Variants in BMPR1A observed in about 807,000 individuals in gnomAD.
BMPR1A encodes the protein bone morphogenetic protein receptor type 1A, also known as bone morphogenetic protein receptor type-1A.
BMPR1A carries 7 observed loss-of-function variants against 66.0 expected under a neutral mutation model. The observed-to-expected ratio is 0.11, with a 90% CI of 0.06 to 0.20. The LOEUF (loss-of-function observed/expected upper bound fraction) is 0.20. Among genes scored for constraint, BMPR1A ranks in the 10% least tolerant of loss-of-function variants. The pLI, the probability that BMPR1A is intolerant of heterozygous loss-of-function variation, is 1.00. For synonymous variants in BMPR1A, 200 were observed against 229.7 expected (o/e 0.87, Z 1.17); for missense variants, 408 against 669.1 (o/e 0.61, Z 4.31).
chr10:86,886,154 G>A (rs1433851425), intron 3 of BMPR1A, among the ~76,000 whole-genome samples: 4 of 152,162 alleles, frequency 2.6e-5, no homozygotes, highest in East Asian at 1.9e-4. Context: ...TGTGGGTGGC[G>A]AGAGATTGAC....
At chr10:86,889,836 T>C (rs892670744) in intron 3 of BMPR1A, 50 of 538,800 alleles carry the variant, frequency 9.3e-5, no homozygotes, top group African/African-American at 8.9e-4. Context: ...AGTGCAAAAA[T>C]TGTGATATAG....
At chr10:86,871,136 C>CT (rs1437477160) in intron 2 of BMPR1A, among the ~76,000 whole-genome samples, 1 of 152,182 alleles carries the variant, frequency 6.6e-6, no homozygotes, top group Admixed American at 6.5e-5. Context: ...CTTTGCCTGA[C>CT]TGACTCTATT....
At chr10:86,884,394 ATTTTTTTTTTTTTTTTT>A (rs759424209) in intron 3 of BMPR1A, among the ~76,000 whole-genome samples, 54 of 49,346 alleles carry the variant, frequency 1.1e-3, no homozygotes, top group South Asian at 7.7e-3. Flanking sequence ...CAAACACATG[ATTTTTTTTTTTTTTTTT>A]TTTTTTTTTT....
At chr10:86,807,296 T>G (rs1374382605) in intron 1 of BMPR1A, among the ~76,000 whole-genome samples, 1 of 152,238 alleles carries the variant, frequency 6.6e-6, no homozygotes, top group Non-Finnish European at 1.5e-5. Context: ...TTCATTCTAA[T>G]TTCATTTCCA....
intron 1 of BMPR1A, among the ~76,000 whole-genome samples, chr10:86,809,295 C>G (rs1322518046): frequency 1.4e-5 from 2 of 145,818 alleles, no homozygotes; most frequent in African/African-American, 5.0e-5. Flanking sequence ...AGGCCCCCCT[C>G]CCTTTTTTTT....
intron 1 of BMPR1A, among the ~76,000 whole-genome samples, chr10:86,800,789 G>C (rs1841801583): frequency 6.6e-6 from 1 of 152,184 alleles, no homozygotes; most frequent in Non-Finnish European, 1.5e-5. Flanking sequence ...CTGTTTCTTA[G>C]GAGTTAAGAC....
intron 2 of BMPR1A, among the ~76,000 whole-genome samples, chr10:86,844,660 T>G (rs1403508105): frequency 6.6e-6 from 1 of 152,274 alleles, no homozygotes; most frequent in African/African-American, 2.4e-5. Context: ...AATCACTAAT[T>G]GTTTTATAAT....
Position 86,900,060 on chromosome 10 carries a change from T to A in BMPR1A, c.464T>A (p.Val155Asp). 1.9e-6 allele frequency: 3 copies of A among 1,614,168 alleles called. No homozygotes were observed. The highest frequency in any genetic ancestry group is 1.7e-6 in the Non-Finnish European group (2 of 1,180,038). The part of the protein sequence containing the change: ...PFFDGSIRWL[V>D]LLISMAVCII... ...TTTGATGGCAGCATTCGATGGCTGGTTTTGCTCATTTCTATGGCTGTCTGC... is the reference window on the plus strand; with the variant it reads ...TTTGATGGCAGCATTCGATGGCTGGATTTGCTCATTTCTATGGCTGTCTGC... The change falls in exon 7 of 13, where the codon GTT becomes GAT. Residue 155 changes from valine to aspartate, a missense_variant. Physicochemically the swap from Val to Asp is radical, Grantham distance 152. This residue lies in a region of BMPR1A where 174 missense variants were observed against 265.1 expected (regional missense o/e 0.66). Coordinates refer to ENST00000372037, the MANE Select transcript of BMPR1A (RefSeq NM_004329.3).
chr10:86,786,030 G>A (rs1841509836), intron 1 of BMPR1A, among the ~76,000 whole-genome samples: 1 of 152,028 alleles, frequency 6.6e-6, no homozygotes, highest in African/African-American at 2.4e-5. Flanking sequence ...TTTTCATTTT[G>A]TTGAGAAAAC....
chr10:86,797,741 T>C (rs1841744107), intron 1 of BMPR1A, among the ~76,000 whole-genome samples: 1 of 152,092 alleles, frequency 6.6e-6, no homozygotes, highest in African/African-American at 2.4e-5. Flanking sequence ...TGTACTTCTG[T>C]GTGTTCAAAT....
intron 1 of BMPR1A, among the ~76,000 whole-genome samples, chr10:86,766,840 T>G (rs1159652209): frequency 6.7e-6 from 1 of 150,288 alleles, no homozygotes; most frequent in Non-Finnish European, 1.5e-5. Context: ...TTTTTTTTTT[T>G]TGGAGACCGA....
intron 1 of BMPR1A, among the ~76,000 whole-genome samples, chr10:86,813,296 A>C (rs1195642785): frequency 1.3e-5 from 2 of 152,078 alleles, no homozygotes; most frequent in African/African-American, 4.8e-5. Flanking sequence ...TTATAAAATG[A>C]GACTTTCCGG....
intron 1 of BMPR1A, among the ~76,000 whole-genome samples, chr10:86,830,746 C>G (rs962370020): frequency 3.3e-5 from 5 of 152,036 alleles, no homozygotes; most frequent in African/African-American, 1.2e-4. Context: ...ATATTGTTAG[C>G]AAATATATTT....
Position 86,806,145 on chromosome 10 carries a change from C to A in BMPR1A, c.-267-32720C>A, listed in dbSNP as rs541535500. On this transcript the variant is annotated intron_variant, in intron 1 of 12. Coordinates refer to ENST00000372037, the MANE Select transcript of BMPR1A (RefSeq NM_004329.3). ...AGGTGATGCATCTCTGGCCAGAAGT[C>A]TACATAAATGACGACGTGTCCTTCT... Among the ~76,000 whole-genome samples, 8 of 152,238 alleles carry A rather than the reference C, an allele frequency of 5.3e-5. No homozygotes were observed. In the South Asian group the frequency reaches 1.7e-3, roughly 32 times the overall value.
chr10:86,762,742 CAAAAAGGA>C (rs1468980680), intron 1 of BMPR1A, among the ~76,000 whole-genome samples: 10 of 151,996 alleles, frequency 6.6e-5, no homozygotes, highest in Non-Finnish European at 1.3e-4. Context: ...TTAAGATCTA[CAAAAAGGA>C]AGTCCAGGGA....
intron 1 of BMPR1A, among the ~76,000 whole-genome samples, chr10:86,811,089 A>G (rs115313131): frequency 0.074 from 11,288 of 152,226 alleles, 471 homozygotes; most frequent in Middle Eastern, 0.12. Flanking sequence ...CCCTGGCTGG[A>G]GTGCCGTAGT....
intron 8 of BMPR1A, among the ~76,000 whole-genome samples, chr10:86,914,396 C>T (rs1843533271): frequency 6.6e-6 from 1 of 152,066 alleles, no homozygotes; most frequent in Non-Finnish European, 1.5e-5. Context: ...AATGATAAAT[C>T]AGGCTTTATC....
chr10:86,865,886 G>C (rs1002617157), intron 2 of BMPR1A, among the ~76,000 whole-genome samples: 1 of 152,212 alleles, frequency 6.6e-6, no homozygotes, highest in Non-Finnish European at 1.5e-5. Flanking sequence ...TGATGCCTGA[G>C]GGGAGTGCAA....
At chr10:86,860,184 A>G (rs995609458) in intron 2 of BMPR1A, among the ~76,000 whole-genome samples, 2 of 152,206 alleles carry the variant, frequency 1.3e-5, no homozygotes, top group African/African-American at 4.8e-5. Flanking sequence ...AGAATGAGCA[A>G]ATATGACCAT....
Sources: gnomAD v4.1 joint callset for allele counts (sites outside exome capture counted in the v4.1 genomes callset) on GRCh38, gnomAD v4.1.1 for gene constraint, gnomAD v4.1.1 regional missense constraint, MANE v1.5 for transcripts, NCBI Gene and HGNC (gene_info 2026-07-23, HGNC 2026-07-21) for gene names.